TAFA4: variants seen among roughly 807,000 people sequenced by gnomAD.
TAFA4 encodes chemokine-like protein TAFA-4.
In TAFA4, 20 loss-of-function variants were observed where a neutral mutation model predicts 21.1. That is an observed-to-expected ratio of 0.95 (90% CI 0.67 to 1.38). The LOEUF (loss-of-function observed/expected upper bound fraction) is 1.38, where lower values mean the gene tolerates loss of function less well. TAFA4 is among the 40% of genes most tolerant of loss of function. The pLI, the probability that TAFA4 is intolerant of heterozygous loss-of-function variation, is 0.00. For missense variants in TAFA4, 211 were observed against 180.9 expected (o/e 1.17, Z -0.95); for synonymous variants, 71 against 67.4 (o/e 1.05, Z -0.26).
At chr3:68,888,322 C>A (rs191715671) in intron 1 of TAFA4, among the ~76,000 whole-genome samples, 3 of 152,050 alleles carry the variant, frequency 2.0e-5, no homozygotes, top group Non-Finnish European at 2.9e-5. Context: ...ATATTTCTAA[C>A]AACATTCTGA....
intron 2 of TAFA4, among the ~76,000 whole-genome samples, chr3:68,883,905 C>T (rs1235901350): frequency 6.6e-6 from 1 of 151,874 alleles, no homozygotes; most frequent in African/African-American, 2.4e-5. Context: ...CACACTCCAG[C>T]CTGAGCAAAG....
intron 1 of TAFA4, among the ~76,000 whole-genome samples, chr3:68,906,330 T>A (rs1284995610): frequency 6.6e-6 from 1 of 152,230 alleles, no homozygotes; most frequent in Admixed American, 6.5e-5. Flanking sequence ...TGACTGCTTT[T>A]TACTTTCAAT....
At chr3:68,770,997 CCAA>C (rs1342081505) in intron 3 of TAFA4, among the ~76,000 whole-genome samples, 1 of 152,156 alleles carries the variant, frequency 6.6e-6, no homozygotes, top group Non-Finnish European at 1.5e-5. Flanking sequence ...CACCGGCAGA[CCAA>C]CAACAGCAGA....
intron 3 of TAFA4, among the ~76,000 whole-genome samples, chr3:68,825,700 C>T (rs553413768): frequency 3.3e-5 from 5 of 152,250 alleles, no homozygotes; most frequent in Admixed American, 2.6e-4. Flanking sequence ...GAAAATGAAA[C>T]CTTTGAAAGG....
rs113240552 is a variant in TAFA4 at position 68,739,206 on chromosome 3, A to G, written c.287-7T>C. ...TTCTGAATCACAATGGAAGCTGGAA[A>G]ACAAAGGCCAAATAATATTTGTGAC... On this transcript the variant is annotated splice_polypyrimidine_tract_variant and splice_region_variant and intron_variant, in intron 4 of 5. Coordinates refer to ENST00000295569, the MANE Select transcript of TAFA4 (RefSeq NM_182522.5). 6.2e-7 allele frequency: 1 copy of G among 1,613,468 alleles called. No individual in the cohort carries two copies.
chr3:68,853,077 T>C lies in TAFA4; in HGVS notation c.130+27653A>G, dbSNP rs73835359. Among the ~76,000 whole-genome samples, 692 of 152,280 alleles carry C rather than the reference T, an allele frequency of 4.5e-3. 1 individual carries two copies. Among genetic ancestry groups the C allele is most frequent in the African/African-American group, 0.016 (659 of 41,574 alleles). On this transcript the variant is annotated intron_variant, in intron 3 of 5. Coordinates refer to ENST00000295569, the MANE Select transcript of TAFA4 (RefSeq NM_182522.5). ...AAGGTTCAATTATGATTCACTTGAATCATTTGCAAGAACAGAGTAATAAAG... is the reference window on the plus strand; with the variant it reads ...AAGGTTCAATTATGATTCACTTGAACCATTTGCAAGAACAGAGTAATAAAG...
chr3:68,918,029 C>T (rs1198179611), intron 1 of TAFA4, among the ~76,000 whole-genome samples: 7 of 152,150 alleles, frequency 4.6e-5, no homozygotes, highest in Admixed American at 4.6e-4. Flanking sequence ...TTATAGCAGG[C>T]CAGATCTTTG....
chr3:68,889,924 A>G (rs2089714226), intron 1 of TAFA4, among the ~76,000 whole-genome samples: 1 of 152,208 alleles, frequency 6.6e-6, no homozygotes, highest in Non-Finnish European at 1.5e-5. Flanking sequence ...CACAAAAACA[A>G]GGACACATAT....
chr3:68,860,946 A>G (rs1363090903), intron 3 of TAFA4, among the ~76,000 whole-genome samples: 2 of 151,768 alleles, frequency 1.3e-5, no homozygotes, highest in African/African-American at 4.8e-5. Flanking sequence ...CAAAGAAGAA[A>G]TCTCACACAC....
At chr3:68,744,715 A>G (rs1268577222) in intron 4 of TAFA4, among the ~76,000 whole-genome samples, 1 of 152,122 alleles carries the variant, frequency 6.6e-6, no homozygotes, top group Non-Finnish European at 1.5e-5. Flanking sequence ...GCCACTTCTT[A>G]ACTACAGGAA....
At chr3:68,895,291 C>T (rs1355679114) in intron 1 of TAFA4, among the ~76,000 whole-genome samples, 1 of 152,182 alleles carries the variant, frequency 6.6e-6, no homozygotes, top group African/African-American at 2.4e-5. Flanking sequence ...AGCCACCGCG[C>T]CCAGCCTTAA....
At chr3:68,829,127 C>T (rs1044130046) in intron 3 of TAFA4, among the ~76,000 whole-genome samples, 1 of 152,278 alleles carries the variant, frequency 6.6e-6, no homozygotes, top group East Asian at 1.9e-4. Context: ...CTGGAGGCAT[C>T]ATGCTACCTG....
Position 68,928,446 on chromosome 3 carries a change from C to A in TAFA4, c.-123+3794G>T, listed in dbSNP as rs112014927. On this transcript the variant is annotated intron_variant, in intron 1 of 5. Coordinates refer to ENST00000295569, the MANE Select transcript of TAFA4 (RefSeq NM_182522.5). The stretch of plus-strand genomic sequence containing the variant: ...ACTTAATAGATTGATATTCTGAGTT[C>A]TTTCACAAATAAACCATAAATCATT... Among the ~76,000 whole-genome samples the A allele has an allele frequency of 8.1e-3, 1,226 of 152,122 alleles. 20 individuals are homozygous for A. The highest frequency in any genetic ancestry group is 0.028 in the African/African-American group (1,151 of 41,544).
intron 3 of TAFA4, among the ~76,000 whole-genome samples, chr3:68,843,903 G>A (rs1704725699): frequency 6.6e-6 from 1 of 152,230 alleles, no homozygotes; most frequent in Admixed American, 6.5e-5. Context: ...TTGATGTGCT[G>A]CTGGATTTGG....
At chr3:68,736,728 G>C (rs527754937) in intron 5 of TAFA4, among the ~76,000 whole-genome samples, 147 of 152,194 alleles carry the variant, frequency 9.7e-4, no homozygotes, top group Non-Finnish European at 1.5e-3. Context: ...CTGGAAGCTA[G>C]TCACAGATCC....
At chr3:68,848,295 TACA>T in intron 3 of TAFA4, among the ~76,000 whole-genome samples, 1 of 152,208 alleles carries the variant, frequency 6.6e-6, no homozygotes, top group African/African-American at 2.4e-5. Context: ...TCCTACCTCA[TACA>T]TGGCTCTAAG....
intron 3 of TAFA4, among the ~76,000 whole-genome samples, chr3:68,808,599 G>A (rs1703756258): frequency 6.6e-6 from 1 of 152,036 alleles, no homozygotes; most frequent in Admixed American, 6.5e-5. Context: ...ATTTCCCCAT[G>A]ACAAATTCCA....
At chr3:68,929,915 G>A (rs1220716463) in intron 1 of TAFA4, among the ~76,000 whole-genome samples, 1 of 152,164 alleles carries the variant, frequency 6.6e-6, no homozygotes, top group East Asian at 1.9e-4. Context: ...GTCAATGCAT[G>A]TTCAAATCAG....
intron 1 of TAFA4, among the ~76,000 whole-genome samples, chr3:68,906,082 T>C (rs1475626810): frequency 1.3e-5 from 2 of 152,176 alleles, no homozygotes; most frequent in Non-Finnish European, 2.9e-5. Flanking sequence ...CAAGTGGGAA[T>C]GCATAGACAT....
Sources: gnomAD v4.1 joint callset for allele counts (sites outside exome capture counted in the v4.1 genomes callset) on GRCh38, gnomAD v4.1.1 for gene constraint, MANE v1.5 for transcripts, NCBI Gene and HGNC (gene_info 2026-07-23, HGNC 2026-07-21) for gene names.